The following IGSF10 variants were observed in gnomAD, a reference collection of about 807,000 sequenced individuals.
The protein encoded by IGSF10 is calvaria mechanical force protein 608.
In IGSF10, 126 loss-of-function variants were observed where a neutral mutation model predicts 128.2. The ratio of observed to expected loss-of-function variants is 0.98; its 90% CI spans 0.85 to 1.14. The LOEUF is 1.14. Ranked by LOEUF, IGSF10 falls within the 50% of genes most tolerant of loss-of-function variation. The pLI is 0.00. For missense variants in IGSF10, 3,295 were observed against 3,149.8 expected (o/e 1.05, Z -1.10); for synonymous variants, 1,185 against 1,146.2 (o/e 1.03, Z -0.68).
the IGSF10 span, among the ~76,000 whole-genome samples, chr3:151,567,226 C>T: frequency 1.3e-5 from 2 of 152,178 alleles, no homozygotes; most frequent in South Asian, 4.1e-4. Context: ...TGGATCTCAG[C>T]TCCTATTCCT....
the IGSF10 span, among the ~76,000 whole-genome samples, chr3:151,564,760 C>G: frequency 6.6e-6 from 1 of 152,104 alleles, no homozygotes; most frequent in Non-Finnish European, 1.5e-5. Flanking sequence ...CATGAGAGAG[C>G]ATAATGACAT....
the IGSF10 span, among the ~76,000 whole-genome samples, chr3:151,560,440 G>T: frequency 4.0e-5 from 6 of 151,832 alleles, no homozygotes; most frequent in East Asian, 1.2e-3. Flanking sequence ...TATTTTTGTG[G>T]GTATCCCTGG....
the IGSF10 span, among the ~76,000 whole-genome samples, chr3:151,505,949 CTTT>C: frequency 1.3e-3 from 17 of 12,664 alleles, no homozygotes; most frequent in African/African-American, 2.3e-3. Context: ...CTTCTTCTTC[CTTT>C]TTTTTTTTTT....
the IGSF10 span, among the ~76,000 whole-genome samples, chr3:151,511,119 CAA>C: frequency 6.6e-6 from 1 of 152,028 alleles, no homozygotes; most frequent in Non-Finnish European, 1.5e-5. Context: ...GAGAACGCCA[CAA>C]AGATACTCCT....
the IGSF10 span, among the ~76,000 whole-genome samples, chr3:151,474,985 G>C: frequency 3.3e-5 from 5 of 152,130 alleles, no homozygotes; most frequent in South Asian, 2.1e-4. Flanking sequence ...TGAGATTTAG[G>C]TGGGGACACA....
chr3:151,443,310 A>C lies in IGSF10; in HGVS notation c.5637T>G (p.Ser1879=). 6.2e-7 allele frequency: 1 copy of C among 1,614,184 alleles called. No homozygotes were observed. The highest frequency in any genetic ancestry group is 8.5e-7 in the Non-Finnish European group (1 of 1,180,000). The change falls in exon 7 of 8, where the codon TCT becomes TCG. Residue 1879 remains serine, a synonymous_variant. Transcript: ENST00000282466. Reference sequence around the variant, plus strand: ...GTAATGGTTTCACTTCAGTGCCATCAGAGAGGACCCAGTAAACGCTGGGCT... The same window carrying C: ...GTAATGGTTTCACTTCAGTGCCATCCGAGAGGACCCAGTAAACGCTGGGCT... The part of the protein sequence containing the change: ...TPQPSVYWVL[S]DGTEVKPLQF...
chr3:151,568,725 A>G, the IGSF10 span, among the ~76,000 whole-genome samples: 1 of 152,106 alleles, frequency 6.6e-6, no homozygotes, highest in African/African-American at 2.4e-5. Context: ...TATCCTAGCA[A>G]TTTTGACTTC....
At chr3:151,498,687 A>C in the IGSF10 span, among the ~76,000 whole-genome samples, 1 of 152,140 alleles carries the variant, frequency 6.6e-6, no homozygotes, top group South Asian at 2.1e-4. Context: ...AAATTTACAC[A>C]TCTTCATTTT....
the IGSF10 span, among the ~76,000 whole-genome samples, chr3:151,610,086 G>C: frequency 6.6e-6 from 1 of 152,198 alleles, no homozygotes; most frequent in Admixed American, 6.6e-5. Flanking sequence ...TGGTGATGGA[G>C]AGACTGGGTA....
At chr3:151,519,022 A>G in the IGSF10 span, among the ~76,000 whole-genome samples, 5 of 151,954 alleles carry the variant, frequency 3.3e-5, no homozygotes, top group African/African-American at 1.2e-4. Flanking sequence ...TAAAACTAGC[A>G]GAATACTTAA....
the IGSF10 span, among the ~76,000 whole-genome samples, chr3:151,568,720 T>G: frequency 6.6e-6 from 1 of 152,136 alleles, no homozygotes; most frequent in Non-Finnish European, 1.5e-5. Context: ...AAGTGTATCC[T>G]AGCAATTTTG....
the IGSF10 span, among the ~76,000 whole-genome samples, chr3:151,498,923 G>T: frequency 6.6e-6 from 1 of 152,098 alleles, no homozygotes; most frequent in Non-Finnish European, 1.5e-5. Flanking sequence ...TGCTAAAATG[G>T]ACATTTTGGC....
At chr3:151,489,823 G>A in the IGSF10 span, among the ~76,000 whole-genome samples, 1 of 152,084 alleles carries the variant, frequency 6.6e-6, no homozygotes, top group Admixed American at 6.6e-5. Flanking sequence ...GTCTGTTGGG[G>A]GGTTGCGGGC....
the IGSF10 span, among the ~76,000 whole-genome samples, chr3:151,609,143 T>C: frequency 1.6e-4 from 24 of 152,024 alleles, no homozygotes; most frequent in African/African-American, 5.5e-4. Context: ...ATGTAATACA[T>C]GGGGGAAAGG....
chr3:151,443,443 A>T lies in IGSF10; in HGVS notation c.5504T>A (p.Ile1835Lys). 6.2e-7 allele frequency: 1 copy of T among 1,614,186 alleles called. No homozygotes were observed. Among genetic ancestry groups the T allele is most frequent in the Non-Finnish European group, 8.5e-7 (1 of 1,180,038 alleles). The change falls in exon 7 of 8, where the codon ATA becomes AAA. Residue 1835 changes from isoleucine to lysine, a missense_variant. Ile to Lys is a moderately radical substitution (Grantham distance 102). Coordinates refer to ENST00000282466, the MANE Select transcript of IGSF10 (RefSeq NM_178822.5). ...PGGQDSLLVK[I>K]QVIAAPPVIL... ...AACAGGTGGTGCTGCAATGACTTGT[A>T]TTTTAACCAGCAGTGAATCCTGGCC...
the IGSF10 span, among the ~76,000 whole-genome samples, chr3:151,479,844 T>C: frequency 2.0e-5 from 3 of 152,186 alleles, no homozygotes; most frequent in African/African-American, 7.2e-5. Flanking sequence ...GCCACTGCTA[T>C]TTACATCAGT....
chr3:151,546,566 A>G, the IGSF10 span, among the ~76,000 whole-genome samples: 3 of 150,876 alleles, frequency 2.0e-5, no homozygotes, highest in Non-Finnish European at 4.4e-5. Context: ...TATGTCGCCC[A>G]GCCTGGTCTC....
the IGSF10 span, among the ~76,000 whole-genome samples, chr3:151,532,720 A>C: frequency 6.6e-6 from 1 of 152,226 alleles, no homozygotes; most frequent in Non-Finnish European, 1.5e-5. Flanking sequence ...CCAATATCAT[A>C]CTGAATGGGC....
rs1238745946 is a variant in IGSF10 at position 151,440,720 on chromosome 3, A to T, written c.5964-2123T>A. ...GAGTTTAAAATAATAATGATGTCTGAGTCTCACCTCCAGAATTTGACTTAA... is the reference window on the plus strand; with the variant it reads ...GAGTTTAAAATAATAATGATGTCTGTGTCTCACCTCCAGAATTTGACTTAA... On this transcript the variant is annotated intron_variant, in intron 7 of 7. Transcript: ENST00000282466. The T allele has an allele frequency of 9.0e-6, 4 of 444,540 alleles. No individual in the cohort carries two copies. In the East Asian group the frequency reaches 2.1e-4, roughly 24 times the overall value. The allele number at this position is 444,540 out of a possible 1,614,324, so 27.5% of individuals were successfully genotyped here.
Sources: gnomAD v4.1 joint callset for allele counts (sites outside exome capture counted in the v4.1 genomes callset) on GRCh38, gnomAD v4.1.1 for gene constraint, MANE v1.5 for transcripts, NCBI Gene and HGNC (gene_info 2026-07-23, HGNC 2026-07-21) for gene names.